ZMYM4: variants seen among roughly 807,000 people sequenced by gnomAD.
ZMYM4 encodes zinc finger MYM-type protein 4.
In ZMYM4, 31 loss-of-function variants were observed where a neutral mutation model predicts 183.2. The observed-to-expected ratio is 0.17, with a 90% CI of 0.13 to 0.23. The LOEUF is 0.23. ZMYM4 is among the 10% of genes least tolerant of loss of function. The pLI is 1.00. For missense variants in ZMYM4, 1,273 were observed against 1,840.3 expected (o/e 0.69, Z 5.64); for synonymous variants, 592 against 631.2 (o/e 0.94, Z 0.93).
chr1:35,377,089 T>C (rs1644351551), intron 7 of ZMYM4, among the ~76,000 whole-genome samples: 1 of 151,934 alleles, frequency 6.6e-6, no homozygotes, highest in Non-Finnish European at 1.5e-5. Flanking sequence ...GTATTTATAG[T>C]AGAGACGGGG....
intron 5 of ZMYM4, among the ~76,000 whole-genome samples, chr1:35,369,059 A>G (rs950105972): frequency 2.0e-5 from 3 of 152,164 alleles, no homozygotes; most frequent in African/African-American, 7.2e-5. Context: ...TGTTTCTTAA[A>G]TAATACATAT....
At chr1:35,315,147 C>T (rs1641989833) in intron 1 of ZMYM4, among the ~76,000 whole-genome samples, 1 of 148,072 alleles carries the variant, frequency 6.8e-6, no homozygotes, top group African/African-American at 2.5e-5. Flanking sequence ...TACATTTCGA[C>T]TATTTTATGT....
chr1:35,373,399 G>A (rs1217996288), intron 7 of ZMYM4, among the ~76,000 whole-genome samples: 1 of 142,392 alleles, frequency 7.0e-6, no homozygotes, highest in Non-Finnish European at 1.5e-5. Flanking sequence ...TTTTGAGACC[G>A]AGTCTCGCCG....
chr1:35,295,688 T>C (rs1640972109), intron 1 of ZMYM4, among the ~76,000 whole-genome samples: 2 of 152,276 alleles, frequency 1.3e-5, no homozygotes, highest in Middle Eastern at 3.4e-3. Flanking sequence ...TAAATTCCTT[T>C]GGGGAAGACT....
intron 1 of ZMYM4, among the ~76,000 whole-genome samples, chr1:35,312,530 G>T (rs547413904): frequency 6.6e-6 from 1 of 152,080 alleles, no homozygotes; most frequent in Non-Finnish European, 1.5e-5. Flanking sequence ...TAAAGTCTGC[G>T]TAGAATTTCG....
chr1:35,399,485 C>T lies in ZMYM4; in HGVS notation c.3437C>T (p.Ser1146Phe). 6.2e-7 allele frequency: 1 copy of T among 1,613,946 alleles called. No homozygotes were observed. Among genetic ancestry groups the T allele is most frequent in the South Asian group, 1.1e-5 (1 of 91,060 alleles). ...TCCTTTCTGCTGATTATTATAGACT[C>T]CTTTGACCCACTTAATAAAGGACAG... ...QDLEADFPSD[S>F]FDPLNKGQGI... is the part of the protein sequence containing the mutation. Residue 1146 changes from serine to phenylalanine, a missense_variant, in exon 23 of 30, where the codon TCC becomes TTC. Physicochemically the swap from Ser to Phe is radical, Grantham distance 155. Coordinates refer to ENST00000314607, the MANE Select transcript of ZMYM4 (RefSeq NM_005095.3).
At chr1:35,348,961 C>T (rs763411783) in intron 2 of ZMYM4, among the ~76,000 whole-genome samples, 25 of 152,106 alleles carry the variant, frequency 1.6e-4, no homozygotes, top group Non-Finnish European at 2.9e-4. Context: ...AGATTGCAAT[C>T]ATGAAGATGG....
intron 5 of ZMYM4, among the ~76,000 whole-genome samples, chr1:35,362,621 CCTAT>C: frequency 6.6e-6 from 1 of 152,186 alleles, no homozygotes. Flanking sequence ...CTTATATTTT[CCTAT>C]CTTTCTGTTT....
intron 5 of ZMYM4, among the ~76,000 whole-genome samples, chr1:35,367,815 A>G (rs1007057612): frequency 1.6e-4 from 25 of 151,938 alleles, no homozygotes; most frequent in Non-Finnish European, 2.6e-4. Context: ...ATCTCTACTA[A>G]AAATACAAAA....
intron 1 of ZMYM4, among the ~76,000 whole-genome samples, chr1:35,276,278 C>G (rs1437172083): frequency 2.1e-5 from 3 of 144,580 alleles, no homozygotes; most frequent in Non-Finnish European, 4.5e-5. Context: ...CTCCCTCCCT[C>G]CCTTCTTTCT....
intron 1 of ZMYM4, among the ~76,000 whole-genome samples, chr1:35,299,951 C>T (rs895243792): frequency 2.6e-5 from 4 of 151,966 alleles, no homozygotes; most frequent in East Asian, 1.9e-4. Context: ...CCTGCCACCA[C>T]GCCTGGCTAT....
In ZMYM4 at chr1:35,419,988, T is replaced by C. The variant is rs912707525; in HGVS notation, c.*311T>C. On this transcript the variant is annotated 3_prime_UTR_variant, in exon 30 of 30. Coordinates refer to ENST00000314607, the MANE Select transcript of ZMYM4 (RefSeq NM_005095.3). Reference sequence around the variant, plus strand: ...CGTGGAATATTTTTAAGGAAAACTGTTGTATAAAACTTTACCATAGTAACC... The same window carrying C: ...CGTGGAATATTTTTAAGGAAAACTGCTGTATAAAACTTTACCATAGTAACC... 1 of 358,888 alleles carries C rather than the reference T, an allele frequency of 2.8e-6. No homozygotes were observed. Among genetic ancestry groups the C allele is most frequent in the Non-Finnish European group, 5.4e-6 (1 of 185,766 alleles). 22.2% of individuals were successfully genotyped at this position (358,888 alleles called of 1,614,324 possible). A position where few individuals can be genotyped will look rare whatever the true frequency, so the allele number is the denominator to read the frequency against.
intron 1 of ZMYM4, among the ~76,000 whole-genome samples, chr1:35,296,206 G>T (rs187937258): frequency 6.6e-6 from 1 of 152,190 alleles, no homozygotes; most frequent in Non-Finnish European, 1.5e-5. Flanking sequence ...AGGAAATGTA[G>T]TTGGGTGGTA....
rs1570545078 is a variant in ZMYM4, at chr1:35,408,269, C to A, written c.3948+110C>A. 1.6e-5 allele frequency: 21 copies of A among 1,289,880 alleles called. No homozygotes were observed. In the East Asian group the frequency reaches 4.9e-4, roughly 30 times the overall value. The allele number at this position is 1,289,880 out of a possible 1,614,324, so 79.9% of individuals were successfully genotyped here. ...ACACCCAGATATATACTGGTATTTTCATTGGAACATTGTTTTTAACAACAA... is the reference window on the plus strand; with the variant it reads ...ACACCCAGATATATACTGGTATTTTAATTGGAACATTGTTTTTAACAACAA... On this transcript the variant is annotated intron_variant, in intron 26 of 29. Transcript: ENST00000314607.
At position 35,374,672 on chromosome 1, in the gene ZMYM4, C is replaced by CAA. The variant is rs34853951; in HGVS notation, c.1181+4058_1181+4059dup. On this transcript the variant is annotated intron_variant, in intron 7 of 29. Coordinates refer to ENST00000314607, the MANE Select transcript of ZMYM4 (RefSeq NM_005095.3). ...AAAAAAGTCAGCCACATCTCCGTCT[C>CAA]AAAAAAAAAAAAAAGTCAGTCATAG... is the stretch of plus-strand genomic sequence containing the variant. Among the ~76,000 whole-genome samples the CAA allele has an allele frequency of 3.0e-4, 32 of 105,838 alleles. 1 individual carries two copies. The East Asian group carries it at 4.5e-3, about 15-fold the overall frequency. 69.4% of individuals were successfully genotyped at this position (105,838 alleles called of 152,430 possible).
Position 35,418,551 on chromosome 1 carries a change from A to T in ZMYM4, c.4418A>T (p.Tyr1473Phe). The T allele has an allele frequency of 6.2e-7, 1 of 1,614,144 alleles. No individual in the cohort carries two copies. ...CCACTAAGATGCCCAGTCCGACTTT[A>T]TGAGTTTTACCTGTCAAAATGGTAA... ...DNPLRCPVRL[Y>F]EFYLSKCSES... Residue 1473 changes from tyrosine (Y) to phenylalanine (F), a missense_variant, in exon 29 of 30, where the codon TAT becomes TTT. This residue lies in a region of ZMYM4 where 145 missense variants were observed against 331.6 expected (regional missense o/e 0.44). Coordinates refer to ENST00000314607, the MANE Select transcript of ZMYM4 (RefSeq NM_005095.3).
chr1:35,346,754 T>TACCATA (rs1643412361), intron 2 of ZMYM4, among the ~76,000 whole-genome samples: 1 of 151,964 alleles, frequency 6.6e-6, no homozygotes, highest in African/African-American at 2.4e-5. Context: ...ATTATTTCTC[T>TACCATA]ACCATAATGC....
chr1:35,332,144 T>C (rs535878617), intron 2 of ZMYM4, among the ~76,000 whole-genome samples: 1 of 152,218 alleles, frequency 6.6e-6, no homozygotes, highest in South Asian at 2.1e-4. Context: ...ATTTAGAAAA[T>C]ACTGGTTTTC....
chr1:35,276,629 T>A (rs535229211), intron 1 of ZMYM4, among the ~76,000 whole-genome samples: 1 of 152,174 alleles, frequency 6.6e-6, no homozygotes, highest in South Asian at 2.1e-4. Context: ...CTTTTTGAAA[T>A]GGAGTTTTGC....
Sources: gnomAD v4.1 joint callset for allele counts (sites outside exome capture counted in the v4.1 genomes callset) on GRCh38, gnomAD v4.1.1 for gene constraint, gnomAD v4.1.1 regional missense constraint, MANE v1.5 for transcripts, NCBI Gene and HGNC (gene_info 2026-07-23, HGNC 2026-07-21) for gene names.